MSL3: variants seen among roughly 807,000 people sequenced by gnomAD.
MSL3 encodes MSL3-like 1.
Under a neutral mutation model 37.2 loss-of-function variants are expected in MSL3, and 5 were observed. That is an observed-to-expected ratio of 0.13 (90% CI 0.07 to 0.28). The LOEUF (loss-of-function observed/expected upper bound fraction) is 0.28, where lower values mean the gene tolerates loss of function less well. MSL3 is among the 10% of genes least tolerant of loss of function. The pLI, the probability that MSL3 is intolerant of heterozygous loss-of-function variation, is 1.00. For synonymous variants in MSL3, 149 were observed against 147.6 expected (o/e 1.01, Z -0.07); for missense variants, 315 against 408.5 (o/e 0.77, Z 1.97).
intron 10 of MSL3, among the ~76,000 whole-genome samples, chrX:11,770,196 T>G (rs113683723): frequency 0.077 from 8,634 of 112,108 alleles, 526 homozygotes; most frequent in African/African-American, 0.21. Context: ...TTTGAACATA[T>G]GAGCATGGGG....
rs1397013639 is a variant in MSL3, at chrX:11,775,064, C to T, written c.1551C>T (p.Pro517=). Residue 517 remains proline, a synonymous_variant, in exon 13 of 13, where the codon CCC becomes CCT. Transcript: ENST00000312196. ...ACEAHYSTKN[P]RAIY ...AGGCACATTACAGCACCAAGAACCC[C>T]CGGGCAATTTATTAAAATGTTGTTG... 8.3e-7 allele frequency: 1 copy of T among 1,202,605 alleles called. No individual in the cohort carries two copies. The highest frequency in any genetic ancestry group is 1.8e-5 in the South Asian group (1 of 56,476).
chrX:11,775,136 A>G lies in MSL3; in HGVS notation c.*57A>G, dbSNP rs1194537946. 1 of 887,847 alleles carries G rather than the reference A, an allele frequency of 1.1e-6. No homozygotes were observed. Among genetic ancestry groups the G allele is most frequent in the Non-Finnish European group, 1.6e-6 (1 of 608,808 alleles). 73.2% of individuals were successfully genotyped at this position (887,847 alleles called of 1,213,427 possible). On this transcript the variant is annotated 3_prime_UTR_variant, in exon 13 of 13. Transcript: ENST00000312196. ...TGTCTAGTTTGGCGCTCTGGGTTCC[A>G]GGTGAATAACTAACAAGGTGGTGGG...
chrX:11,774,061 T>A (rs1028035523), intron 12 of MSL3, among the ~76,000 whole-genome samples: 1 of 111,940 alleles, frequency 8.9e-6, no homozygotes, highest in Non-Finnish European at 1.9e-5. Context: ...TCAGTTGAAG[T>A]TTGAGTCAAG....
rs186654556 is a variant in MSL3, at chrX:11,763,746, T to C, written c.750-34T>C. 50 of 1,149,300 alleles carry C rather than the reference T, an allele frequency of 4.4e-5. No homozygotes were observed. The African/African-American group carries it at 8.2e-4, about 19-fold the overall frequency. 94.7% of individuals were successfully genotyped at this position (1,149,300 alleles called of 1,213,427 possible). ...GAACATTTGGAAAGTACCTCTTACT[T>C]GTGTCTCTAATCTCTTCTTTTTAAT... On this transcript the variant is annotated intron_variant, in intron 7 of 12. Transcript: ENST00000312196.
intron 9 of MSL3, chrX:11,766,350 A>T: frequency 1.3e-6 from 1 of 751,612 alleles, no homozygotes. Flanking sequence ...GAAGTAAACC[A>T]CTGCTAATTA....
At chrX:11,758,577 G>C (rs2053095528) in intron 1 of MSL3, 2 of 1,113,164 alleles carry the variant, frequency 1.8e-6, no homozygotes, top group Non-Finnish European at 2.4e-6. Context: ...GTCAGGCCGG[G>C]CGGCGCACGC....
At chrX:11,771,006 G>C (rs780243407) in intron 10 of MSL3, among the ~76,000 whole-genome samples, 3 of 112,466 alleles carry the variant, frequency 2.7e-5, no homozygotes, top group Admixed American at 9.3e-5. Flanking sequence ...TGGGGCGCTG[G>C]GGGTGGAGAC....
In MSL3 at chrX:11,765,655, C is replaced by T. The variant is rs2053174770; in HGVS notation, c.1097C>T (p.Ala366Val). 1 of 1,210,588 alleles carries T rather than the reference C, an allele frequency of 8.3e-7. No individual in the cohort carries two copies. Among genetic ancestry groups the T allele is most frequent in the Non-Finnish European group, 1.1e-6 (1 of 895,281 alleles). ...ANCDRLSESS[A>V]SPQPKRRQQD... ...TGTGACAGGCTTTCTGAGAGCAGCG[C>T]TTCACCTCAGCCCAAGCGCCGGCAG... The change falls in exon 9 of 13, where the codon GCT becomes GTT. Residue 366 changes from alanine (A) to valine (V), a missense_variant. Physicochemically the swap from Ala to Val is moderately conservative, Grantham distance 64 (BLOSUM62 0). Transcript: ENST00000312196.
chrX:11,766,260 G>A (rs1019514123), intron 9 of MSL3: 5 of 758,709 alleles, frequency 6.6e-6, no homozygotes, highest in Non-Finnish European at 7.8e-6. Context: ...ATGTTTCAAT[G>A]AGCAAAATAA....
At chrX:11,767,967 C>A (rs1383971017) in intron 9 of MSL3, 9 of 737,509 alleles carry the variant, frequency 1.2e-5, no homozygotes, top group Admixed American at 8.7e-5. Context: ...AAAGTGCTAT[C>A]TTTTTCTGTT....
At chrX:11,766,015 T>C (rs767382394) in intron 9 of MSL3, 1 of 997,062 alleles carries the variant, frequency 1.0e-6, no homozygotes, top group East Asian at 3.6e-5. Context: ...CAGAATTCTA[T>C]GTATTGTGTA....
rs1255449569 is a variant in MSL3, at chrX:11,765,472, A to G, written c.914A>G (p.Gln305Arg). ...ACATCCTCCATCTTCCCTAGGAGCC[A>G]GGAGGAACTCTCTCCCAGTCCGCCT... ...KESATSTNRS[Q>R]EELSPSPPLL... Residue 305 changes from glutamine (Q) to arginine (R), a missense_variant, in exon 9 of 13, where the codon CAG (glutamine) becomes CGG (arginine). By Grantham distance (43) the Gln-to-Arg change is conservative. Coordinates refer to ENST00000312196, the MANE Select transcript of MSL3 (RefSeq NM_078629.4). The G allele has an allele frequency of 8.4e-7, 1 of 1,185,859 alleles. No homozygotes were observed. The highest frequency in any genetic ancestry group is 1.8e-5 in the South Asian group (1 of 54,606).
chrX:11,770,759 TAGA>T (rs1165653399), intron 10 of MSL3, among the ~76,000 whole-genome samples: 1 of 112,264 alleles, frequency 8.9e-6, no homozygotes, highest in African/African-American at 3.2e-5. Context: ...TCTTCATAAA[TAGA>T]AGATTATAAA....
chrX:11,763,119 T>A, intron 7 of MSL3, 122 bp downstream of exon 7: 1 of 573,483 alleles, frequency 1.7e-6, no homozygotes, highest in Non-Finnish European at 2.5e-6. Context: ...TTTAATAATT[T>A]ATTGATAATT....
intron 9 of MSL3, chrX:11,766,840 A>G: frequency 4.0e-6 from 3 of 753,712 alleles, no homozygotes; most frequent in Non-Finnish European, 3.1e-6. Flanking sequence ...AATCTAAGAC[A>G]CCCCTCATAA....
At chrX:11,762,313 G>T in intron 6 of MSL3, 61 bp downstream of exon 6, 1 of 999,527 alleles carries the variant, frequency 1.0e-6, no homozygotes, top group Non-Finnish European at 1.4e-6. Context: ...GCCATAGTTT[G>T]CAATCATAGA....
intron 10 of MSL3, among the ~76,000 whole-genome samples, chrX:11,771,833 G>A (rs995547583): frequency 3.6e-5 from 4 of 112,132 alleles, no homozygotes; most frequent in East Asian, 2.8e-4. Context: ...CACACACCTC[G>A]GCCTCCCAAA....
At chrX:11,758,493 G>A (rs2053093807) in intron 1 of MSL3, 128 bp downstream of exon 1, 4 of 991,735 alleles carry the variant, frequency 4.0e-6, no homozygotes, top group South Asian at 6.2e-5. Context: ...GGAGCGGTGC[G>A]GCCGGCAGGG....
chrX:11,759,859 A>G lies in MSL3; in HGVS notation c.169A>G (p.Asn57Asp), dbSNP rs753680071. Residue 57 changes from asparagine (N) to aspartate (D), a missense_variant, in exon 2 of 13, where the codon AAT becomes GAT. Transcript: ENST00000312196. ...GATCCCAGAATATCTGATCCATTTT[A>G]ATGGTTGGAACAGAAGGTGAGTGAA... ...RKIPEYLIHF[N>D]GWNRSWDRWA... 1 of 1,210,929 alleles carries G rather than the reference A, an allele frequency of 8.3e-7. No homozygotes were observed. Among genetic ancestry groups the G allele is most frequent in the Non-Finnish European group, 1.1e-6 (1 of 895,384 alleles).
Sources: allele counts gnomAD v4.1 joint callset (sites outside exome capture counted in the v4.1 genomes callset), GRCh38; gene constraint gnomAD v4.1.1; transcripts MANE v1.5; gene names NCBI Gene and HGNC (gene_info 2026-07-23, HGNC 2026-07-21).